The following PCDHAC1 variants were observed in gnomAD, a reference collection of about 807,000 sequenced individuals.
PCDHAC1 encodes protocadherin alpha subfamily C, 1.
PCDHAC1 carries 42 observed loss-of-function variants against 60.0 expected under a neutral mutation model. The observed-to-expected ratio is 0.70, with a 90% CI of 0.55 to 0.90. The LOEUF is 0.90. Among genes scored for constraint, PCDHAC1 ranks in the 40% least tolerant of loss-of-function variants. The pLI, the probability that PCDHAC1 is intolerant of heterozygous loss-of-function variation, is 0.00. For missense variants in PCDHAC1, 1,160 were observed against 1,222.3 expected (o/e 0.95, Z 0.76); for synonymous variants, 468 against 499.3 (o/e 0.94, Z 0.84).
intron 3 of PCDHAC1, among the ~76,000 whole-genome samples, chr5:140,993,075 G>A (rs531612224): frequency 1.3e-3 from 191 of 152,324 alleles, no homozygotes; most frequent in African/African-American, 4.5e-3. Flanking sequence ...CCTGCAGTCT[G>A]CAATCAGCAG....
At chr5:140,964,941 G>A (rs1223587543) in intron 1 of PCDHAC1, among the ~76,000 whole-genome samples, 1 of 152,242 alleles carries the variant, frequency 6.6e-6, no homozygotes, top group African/African-American at 2.4e-5. Context: ...AGCATTGATA[G>A]TGAGTGTGCT....
intron 1 of PCDHAC1, among the ~76,000 whole-genome samples, chr5:140,932,112 T>C (rs1211067626): frequency 6.6e-6 from 1 of 151,944 alleles, no homozygotes; most frequent in African/African-American, 2.4e-5. Flanking sequence ...GTATTTCCAA[T>C]TGATAATATT....
Position 140,982,278 on chromosome 5 carries a change from A to G in PCDHAC1, c.2493-197A>G, listed in dbSNP as rs997424016. On this transcript the variant is annotated intron_variant, in intron 2 of 3. Transcript: ENST00000253807. ...ATGTGTGTTCCTGGAATAGTATAGC[A>G]GGCAATAAGTAAGTCAGCAATGCTT... 8.2e-6 allele frequency: 8 copies of G among 980,114 alleles called. No homozygotes were observed. In the South Asian group the frequency reaches 1.1e-4, roughly 14 times the overall value. The allele number at this position is 980,114 out of a possible 1,614,324, so 60.7% of individuals were successfully genotyped here.
intron 3 of PCDHAC1, among the ~76,000 whole-genome samples, chr5:140,994,140 A>G (rs768317904): frequency 7.2e-5 from 11 of 152,230 alleles, no homozygotes; most frequent in Non-Finnish European, 1.5e-4. Context: ...ATAATGCCCT[A>G]CGTAGGTAGG....
intron 1 of PCDHAC1, chr5:140,966,319 G>T: frequency 2.6e-6 from 1 of 388,824 alleles, no homozygotes; most frequent in Admixed American, 4.5e-5. Context: ...CCTGCGGTCC[G>T]CTGGGATCCG....
In PCDHAC1 at chr5:140,928,795, G is replaced by T; in HGVS notation, c.1903G>T (p.Val635Leu). ...LPTDAVKQRV[V>L]VVVRDHGDPP... Reference sequence around the variant, plus strand: ...CACTGATGCAGTTAAGCAGAGGGTGGTGGTAGTGGTTCGGGACCATGGAGA... The same window carrying T: ...CACTGATGCAGTTAAGCAGAGGGTGTTGGTAGTGGTTCGGGACCATGGAGA... Residue 635 changes from valine (V) to leucine (L), a missense_variant, in exon 1 of 4, where the codon GTG (valine) becomes TTG (leucine). Transcript: ENST00000253807. The T allele has an allele frequency of 6.2e-7, 1 of 1,614,152 alleles. No homozygotes were observed. The highest frequency in any genetic ancestry group is 1.1e-5 in the South Asian group (1 of 91,088).
intron 1 of PCDHAC1, among the ~76,000 whole-genome samples, chr5:140,942,869 T>C (rs971576222): frequency 6.6e-6 from 1 of 152,088 alleles, no homozygotes; most frequent in African/African-American, 2.4e-5. Context: ...TGCTTTAGCA[T>C]GACAACTTTT....
chr5:140,943,257 CAAA>C (rs1238620023), intron 1 of PCDHAC1, among the ~76,000 whole-genome samples: 2 of 77,570 alleles, frequency 2.6e-5, no homozygotes. Flanking sequence ...GACTCTGTCT[CAAA>C]AAAAAAAAAA....
At chr5:140,939,207 T>C (rs1013809748) in intron 1 of PCDHAC1, among the ~76,000 whole-genome samples, 1 of 152,180 alleles carries the variant, frequency 6.6e-6, no homozygotes, top group Non-Finnish European at 1.5e-5. Context: ...GAATGTCACC[T>C]TCTTGCTGTC....
intron 1 of PCDHAC1, among the ~76,000 whole-genome samples, chr5:140,975,707 A>C (rs1445809800): frequency 6.6e-6 from 1 of 152,204 alleles, no homozygotes; most frequent in African/African-American, 2.4e-5. Context: ...ATTTTACTTT[A>C]AATCTTAGAA....
chr5:140,940,434 T>A (rs155816), intron 1 of PCDHAC1, among the ~76,000 whole-genome samples: 48,246 of 152,056 alleles, frequency 0.32, 7,999 homozygotes, highest in East Asian at 0.53. Flanking sequence ...TGATCAAGTC[T>A]GCCATGATAT....
At chr5:140,999,973 C>A (rs1370727292) in intron 3 of PCDHAC1, among the ~76,000 whole-genome samples, 2 of 152,082 alleles carry the variant, frequency 1.3e-5, no homozygotes, top group African/African-American at 4.8e-5. Context: ...AGTAGCAGCT[C>A]TAGCGGCCTC....
intron 3 of PCDHAC1, among the ~76,000 whole-genome samples, chr5:140,995,481 T>C (rs190039428): frequency 5.9e-5 from 9 of 152,308 alleles, no homozygotes; most frequent in Admixed American, 5.9e-4. Context: ...CATTTAATAT[T>C]TTCAGACTAA....
rs1299546647 is a variant in PCDHAC1 at position 140,935,314 on chromosome 5, A to T, written c.2433+5989A>T. 2.0e-5 allele frequency among the ~76,000 whole-genome samples: 3 copies of T among 152,208 alleles called. No homozygotes were observed. In the East Asian group the frequency reaches 5.8e-4, roughly 29 times the overall value. ...TCCGAGGTTTTTACTTAACTTCATC[A>T]ATCTTACATTCCTATTTCTCCCATA... On this transcript the variant is annotated intron_variant, in intron 1 of 3. Transcript: ENST00000253807.
rs782169362 is a variant in PCDHAC1 at position 140,979,015 on chromosome 5, T to A, written c.2492+8T>A. The A allele has an allele frequency of 6.2e-7, 1 of 1,613,920 alleles. No homozygotes were observed. Among genetic ancestry groups the A allele is most frequent in the Non-Finnish European group, 8.5e-7 (1 of 1,179,908 alleles). On this transcript the variant is annotated splice_region_variant and intron_variant, in intron 2 of 3. Coordinates refer to ENST00000253807, the MANE Select transcript of PCDHAC1 (RefSeq NM_018898.5). ...GAGAGCAGGCATGCACAGGTATGTA[T>A]TTCCCTCCTCATTCACTCAGAAGTA...
At chr5:140,991,440 C>T (rs2097452926) in intron 3 of PCDHAC1, among the ~76,000 whole-genome samples, 1 of 152,190 alleles carries the variant, frequency 6.6e-6, no homozygotes, top group Non-Finnish European at 1.5e-5. Context: ...AACTTCATGG[C>T]TTAAAACAAC....
intron 1 of PCDHAC1, among the ~76,000 whole-genome samples, chr5:140,952,427 C>T (rs2094744253): frequency 6.6e-6 from 1 of 152,162 alleles, no homozygotes; most frequent in African/African-American, 2.4e-5. Flanking sequence ...CAGATTCCTA[C>T]AGCACAGGCA....
intron 3 of PCDHAC1, among the ~76,000 whole-genome samples, chr5:140,988,042 T>C (rs1365233473): frequency 1.3e-5 from 2 of 152,212 alleles, no homozygotes. Context: ...AGAATCTGTT[T>C]AGGAGCACTG....
chr5:140,940,635 TC>T (rs2092658903), intron 1 of PCDHAC1, among the ~76,000 whole-genome samples: 1 of 152,214 alleles, frequency 6.6e-6, no homozygotes, highest in African/African-American at 2.4e-5. Context: ...CTTAAGCTTG[TC>T]ATTTATTTAT....
Sources: gnomAD v4.1 joint callset for allele counts (sites outside exome capture counted in the v4.1 genomes callset) on GRCh38, gnomAD v4.1.1 for gene constraint, MANE v1.5 for transcripts, NCBI Gene and HGNC (gene_info 2026-07-23, HGNC 2026-07-21) for gene names.